The following USF3 variants were observed in gnomAD, a reference collection of about 807,000 sequenced individuals.
USF3 encodes basic helix-loop-helix domain-containing protein USF3.
USF3 carries 29 observed loss-of-function variants against 157.5 expected under a neutral mutation model. The observed-to-expected ratio is 0.18, with a 90% CI of 0.14 to 0.25. The LOEUF (loss-of-function observed/expected upper bound fraction) is 0.25, where lower values mean the gene tolerates loss of function less well. Among genes scored for constraint, USF3 ranks in the 10% least tolerant of loss-of-function variants. The probability of loss-of-function intolerance (pLI) is 1.00; values close to 1 mark genes in which losing one functional copy is unlikely to be tolerated. For missense variants in USF3, 2,381 were observed against 2,667.6 expected, an observed-to-expected ratio of 0.89 and a Z score of 2.37; for synonymous variants, 893 against 941.4, an observed-to-expected ratio of 0.95 and a Z score of 0.94.
chr3:113,658,422 G>C lies in USF3; in HGVS notation c.3260C>G (p.Pro1087Arg). 1 of 1,614,090 alleles carries C rather than the reference G, an allele frequency of 6.2e-7. No homozygotes were observed. Among genetic ancestry groups the C allele is most frequent in the Non-Finnish European group, 8.5e-7 (1 of 1,180,028 alleles). The change falls in exon 7 of 7, where the codon CCC becomes CGC. Residue 1087 changes from proline (P) to arginine (R), a missense_variant. Pro to Arg is a moderately radical substitution (Grantham distance 103). Coordinates refer to ENST00000316407, the MANE Select transcript of USF3 (RefSeq NM_001009899.4). ...ACTACTGCCAGAGCTGGTTGACATG[G>C]GAGAGTCGGCCTGTCTACCGTTGAT... ...SLINGRQADS[P>R]MSTSSGSSRS...
Position 113,660,387 on chromosome 3 carries a change from G to C in USF3, c.1295C>G (p.Thr432Arg). ...RISSAGNTQTTWTTLQLAGNT... is the reference protein window; with the variant it reads ...RISSAGNTQTRWTTLQLAGNT... ...TCCTGCCAGTTGCAAAGTAGTCCAC[G>C]TTGTCTGTGTGTTTCCAGCTGAAGA... is the stretch of plus-strand genomic sequence containing the variant. The change falls in exon 7 of 7, where the codon ACG (threonine) becomes AGG (arginine). Residue 432 changes from threonine (T) to arginine (R), a missense_variant. Physicochemically the swap from Thr to Arg is moderately conservative, Grantham distance 71. This residue lies in a region of USF3 where 1,435 missense variants were observed against 1,550.9 expected (regional missense o/e 0.93). Transcript: ENST00000316407. The C allele has an allele frequency of 6.2e-7, 1 of 1,614,124 alleles. No homozygotes were observed. The highest frequency in any genetic ancestry group is 8.5e-7 in the Non-Finnish European group (1 of 1,179,970).
chr3:113,666,345 G>C (rs959616008), intron 5 of USF3, among the ~76,000 whole-genome samples: 1 of 142,338 alleles, frequency 7.0e-6, no homozygotes, highest in African/African-American at 2.6e-5. Flanking sequence ...TCTGCCTTTC[G>C]GGCTCAAGCA....
intron 2 of USF3, among the ~76,000 whole-genome samples, chr3:113,677,052 T>C (rs1707297698): frequency 2.0e-5 from 3 of 152,120 alleles, no homozygotes; most frequent in Admixed American, 2.0e-4. Context: ...GGGAAATAAG[T>C]AGACATGAAT....
intron 4 of USF3, among the ~76,000 whole-genome samples, chr3:113,670,741 A>T (rs1423616692): frequency 6.6e-6 from 1 of 152,184 alleles, no homozygotes; most frequent in Non-Finnish European, 1.5e-5. Flanking sequence ...CAATCTACAT[A>T]AGCAATACTT....
At position 113,657,452 on chromosome 3, in the gene USF3, A is replaced by C. The variant is rs761342791; in HGVS notation, c.4230T>G (p.Thr1410=). ...RLFPPSNNFV[T]PALRQTEVQC... ...GAACTTCAGTTTGCCTCAATGCAGG[A>C]GTCACAAAGTTGTTACTAGGTGGAA... The change falls in exon 7 of 7, where the codon ACT becomes ACG. Residue 1410 remains threonine, a synonymous_variant. Coordinates refer to ENST00000316407, the MANE Select transcript of USF3 (RefSeq NM_001009899.4). 1.2e-6 allele frequency: 2 copies of C among 1,614,176 alleles called. No homozygotes were observed. Among genetic ancestry groups the C allele is most frequent in the Non-Finnish European group, 1.7e-6 (2 of 1,180,030 alleles).
In USF3 at chr3:113,656,938, G is replaced by A. The variant is rs772357952; in HGVS notation, c.4744C>T (p.Pro1582Ser). The A allele has an allele frequency of 1.2e-6, 2 of 1,614,040 alleles. No homozygotes were observed. Among genetic ancestry groups the A allele is most frequent in the African/African-American group, 2.7e-5 (2 of 74,928 alleles). The change falls in exon 7 of 7, where the codon CCT (proline) becomes TCT (serine). Residue 1582 changes from proline (P) to serine (S), a missense_variant. Physicochemically the swap from Pro to Ser is moderately conservative, Grantham distance 74. Around this residue, in one of 6 missense-constraint regions of USF3, gnomAD observed 770 missense variants for 824.2 expected, o/e 0.93. Coordinates refer to ENST00000316407, the MANE Select transcript of USF3 (RefSeq NM_001009899.4). ...SSQTEKSCENPSTSRNHHNHP... is the reference protein window; with the variant it reads ...SSQTEKSCENSSTSRNHHNHP... Reference sequence around the variant, plus strand: ...TTATGATGGTTCCGACTAGTTGAAGGGTTTTCACAGCTCTTCTCTGTCTGG... The same window carrying A: ...TTATGATGGTTCCGACTAGTTGAAGAGTTTTCACAGCTCTTCTCTGTCTGG...
rs1190552243 is a variant in USF3, at chr3:113,657,665, A to G, written c.4017T>C (p.Ser1339=). The G allele has an allele frequency of 6.2e-7, 1 of 1,614,186 alleles. No homozygotes were observed. Among genetic ancestry groups the G allele is most frequent in the East Asian group, 2.2e-5 (1 of 44,886 alleles). The stretch of plus-strand genomic sequence containing the variant: ...GACAGTGCTTTTGACGTTTAGCTGA[A>G]GACAGTAAAAGGTCATCTTGGACAG... ...KRAVQDDLLL[S]SAKRQKHCQP... Residue 1339 remains serine (S), a synonymous_variant, in exon 7 of 7, where the codon TCT becomes TCC. Coordinates refer to ENST00000316407, the MANE Select transcript of USF3 (RefSeq NM_001009899.4).
intron 1 of USF3, among the ~76,000 whole-genome samples, chr3:113,695,926 C>A (rs1011026287): frequency 6.6e-6 from 1 of 152,238 alleles, no homozygotes; most frequent in Non-Finnish European, 1.5e-5. Context: ...CCACATGAGT[C>A]TGACGAACGG....
At chr3:113,671,299 G>C (rs753042112) in intron 4 of USF3, among the ~76,000 whole-genome samples, 8 of 152,092 alleles carry the variant, frequency 5.3e-5, no homozygotes, top group Non-Finnish European at 8.8e-5. Context: ...GATGACTACT[G>C]GGCCTTTTTG....
At chr3:113,665,697 G>A (rs1008230606) in intron 5 of USF3, among the ~76,000 whole-genome samples, 8 of 151,970 alleles carry the variant, frequency 5.3e-5, no homozygotes, top group African/African-American at 1.5e-4. Context: ...GCATGGTGGC[G>A]CACACCTGTA....
At position 113,653,620 on chromosome 3, in the gene USF3, A is replaced by AC. The variant is rs940173649; in HGVS notation, c.*1323_*1324insG. ...TCCATCTATTAAAAAAAAAAAAAAA[A>AC]AAAAAACCCTACCTATATCAAGTTC... is the stretch of plus-strand genomic sequence containing the variant. On this transcript the variant is annotated 3_prime_UTR_variant, in exon 7 of 7. Coordinates refer to ENST00000316407, the MANE Select transcript of USF3 (RefSeq NM_001009899.4). The AC allele has an allele frequency of 2.6e-5, 4 of 151,816 alleles. No homozygotes were observed. Among genetic ancestry groups the AC allele is most frequent in the African/African-American group, 9.7e-5 (4 of 41,288 alleles). 9.4% of individuals were successfully genotyped at this position (151,816 alleles called of 1,614,324 possible).
rs541906719 is a variant in USF3, at chr3:113,660,250, T to C, written c.1432A>G (p.Ile478Val). Residue 478 changes from isoleucine to valine, a missense_variant, in exon 7 of 7, where the codon ATC (isoleucine) becomes GTC (valine). By Grantham distance (29) the Ile-to-Val change is conservative. Transcript: ENST00000316407. Reference sequence around the variant, plus strand: ...GCTGGAAAGGAATTATTCAAGTTGATGTCTGTAGCCACATATCTACTGTGG... The same window carrying C: ...GCTGGAAAGGAATTATTCAAGTTGACGTCTGTAGCCACATATCTACTGTGG... ...SNHSRYVATDINLNNSFPADG... is the reference protein window; with the variant it reads ...SNHSRYVATDVNLNNSFPADG... 1.6e-5 allele frequency: 26 copies of C among 1,614,232 alleles called. No homozygotes were observed. The East Asian group carries it at 5.6e-4, about 35-fold the overall frequency.
chr3:113,671,365 G>C (rs906247755), intron 4 of USF3, among the ~76,000 whole-genome samples: 2 of 152,124 alleles, frequency 1.3e-5, no homozygotes, highest in South Asian at 2.1e-4. Flanking sequence ...GTACTGGTTT[G>C]GTTTTCTCTA....
chr3:113,673,751 C>T (rs976755386), intron 3 of USF3, among the ~76,000 whole-genome samples: 3 of 152,222 alleles, frequency 2.0e-5, no homozygotes, highest in Admixed American at 2.0e-4. Flanking sequence ...TTTGTCCTGG[C>T]ACCTGGACCA....
In USF3 at chr3:113,656,098, G is replaced by C. The variant is rs542625234; in HGVS notation, c.5584C>G (p.His1862Asp). 6.2e-7 allele frequency: 1 copy of C among 1,614,156 alleles called. No homozygotes were observed. The highest frequency in any genetic ancestry group is 1.3e-5 in the African/African-American group (1 of 75,044). The change falls in exon 7 of 7, where the codon CAT becomes GAT. Residue 1862 changes from histidine to aspartate, a missense_variant. Physicochemically the swap from His to Asp is moderately conservative, Grantham distance 81. Around this residue, in one of 6 missense-constraint regions of USF3, gnomAD observed 770 missense variants for 824.2 expected, o/e 0.93. Transcript: ENST00000316407. ...SAIEYNCPPT[H>D]ENVHIRRESE... is the part of the protein sequence containing the mutation. ...TCTCTTCTAATATGGACATTTTCAT[G>C]AGTTGGGGGACAATTATATTCAATT...
chr3:113,655,986 C>T lies in USF3; in HGVS notation c.5696G>A (p.Ser1899Asn). ...RNSTLNIPFS[S>N]SSSSGDIQGR... Reference sequence around the variant, plus strand: ...TTGAATATCTCCTGAGGAAGAGGAACTTGAAAAAGGAATATTCAAGGTGCT... The same window carrying T: ...TTGAATATCTCCTGAGGAAGAGGAATTTGAAAAAGGAATATTCAAGGTGCT... Residue 1899 changes from serine (S) to asparagine (N), a missense_variant, in exon 7 of 7, where the codon AGT becomes AAT. Around this residue, in one of 6 missense-constraint regions of USF3, gnomAD observed 770 missense variants for 824.2 expected, o/e 0.93. Transcript: ENST00000316407. 6.2e-7 allele frequency: 1 copy of T among 1,614,146 alleles called. No individual in the cohort carries two copies. The highest frequency in any genetic ancestry group is 8.5e-7 in the Non-Finnish European group (1 of 1,180,016).
Position 113,664,350 on chromosome 3 carries a change from A to G in USF3, c.219T>C (p.Asn73=). ...TTCCTCCATTAAGCAGGAGTTCATC[A>G]TTTTGCCTTTTCAATTCTGTTATAT... is the stretch of plus-strand genomic sequence containing the variant. ...FKYITELKRQ[N]DELLLNGGNN... Residue 73 remains asparagine, a synonymous_variant, in exon 6 of 7, where the codon AAT becomes AAC. Coordinates refer to ENST00000316407, the MANE Select transcript of USF3 (RefSeq NM_001009899.4). The G allele has an allele frequency of 1.2e-6, 2 of 1,609,424 alleles. No individual in the cohort carries two copies. Among genetic ancestry groups the G allele is most frequent in the Non-Finnish European group, 1.7e-6 (2 of 1,176,840 alleles).
At chr3:113,676,903 G>A (rs535509444) in intron 2 of USF3, among the ~76,000 whole-genome samples, 1 of 152,124 alleles carries the variant, frequency 6.6e-6, no homozygotes, top group Non-Finnish European at 1.5e-5. Context: ...GGATTGTTCC[G>A]AGCAGGGAAT....
intron 4 of USF3, among the ~76,000 whole-genome samples, chr3:113,671,670 G>A (rs1031246921): frequency 1.3e-5 from 2 of 151,840 alleles, no homozygotes; most frequent in Non-Finnish European, 2.9e-5. Flanking sequence ...GCATGGGTGT[G>A]ACGTGTTTTG....
Sources: gnomAD v4.1 joint callset for allele counts (sites outside exome capture counted in the v4.1 genomes callset) on GRCh38, gnomAD v4.1.1 for gene constraint, gnomAD v4.1.1 regional missense constraint, MANE v1.5 for transcripts, NCBI Gene and HGNC (gene_info 2026-07-23, HGNC 2026-07-21) for gene names.